MRC2: variants seen among roughly 807,000 people sequenced by gnomAD.
The protein encoded by MRC2 is C-type mannose receptor 2.
Under a neutral mutation model 206.2 loss-of-function variants are expected in MRC2, and 84 were observed. The observed-to-expected ratio is 0.41, with a 90% confidence interval of 0.34 to 0.49. The LOEUF (loss-of-function observed/expected upper bound fraction) is 0.49. MRC2 is among the 20% of genes least tolerant of loss of function. The pLI is 0.31. For synonymous variants in MRC2, 798 were observed against 800.0 expected (o/e 1.00, Z 0.04); for missense variants, 1,676 against 2,001.5 (o/e 0.84, Z 3.10).
chr17:62,630,461 G>A (rs1189051588), intron 1 of MRC2, among the ~76,000 whole-genome samples: 2 of 152,180 alleles, frequency 1.3e-5, no homozygotes, highest in Non-Finnish European at 2.9e-5. Context: ...CCAAAGGGTG[G>A]CCAAGGCTGT....
chr17:62,681,081 A>G lies in MRC2; in HGVS notation c.2654A>G (p.Gln885Arg), dbSNP rs746784631. The G allele has an allele frequency of 6.2e-7, 1 of 1,613,572 alleles. No individual in the cohort carries two copies. The highest frequency in any genetic ancestry group is 1.1e-5 in the South Asian group (1 of 91,088). ...CTCCAGTTCTCCCGGGCCCAGGAGC[A>G]GCACTGGTGGATCGGCCTGCACACC... ...NLQKFSRAQE[Q>R]HWWIGLHTSE... is the part of the protein sequence containing the mutation. Residue 885 changes from glutamine to arginine, a missense_variant, in exon 18 of 30, where the codon CAG becomes CGG. Transcript: ENST00000303375.
In MRC2 at chr17:62,675,843, C is replaced by T. The variant is rs145126318; in HGVS notation, c.1623C>T (p.Thr541=). 851 of 1,614,048 alleles carry T rather than the reference C, an allele frequency of 5.3e-4. 3 individuals are homozygous for T. Among genetic ancestry groups the T allele is most frequent in the Non-Finnish European group, 2.3e-4 (276 of 1,180,030 alleles). The stretch of plus-strand genomic sequence containing the variant: ...ACTGGCTGGGAGAAGACCAAGTGAC[C>T]TACAGTGAGGCCCGGCGCCTGTGCA... ...SCYWLGEDQV[T]YSEARRLCTD... Residue 541 remains threonine, a synonymous_variant, in exon 10 of 30, where the codon ACC becomes ACT. Transcript: ENST00000303375. The surrounding 1 kb of genome is among the most constrained non-coding windows in gnomAD (Gnocchi z 4.1).
chr17:62,637,529 G>A (rs1222457264), intron 1 of MRC2, among the ~76,000 whole-genome samples: 2 of 123,154 alleles, frequency 1.6e-5, no homozygotes, highest in Non-Finnish European at 3.4e-5. Flanking sequence ...GAGGAAGACT[G>A]TGTCTCAAAA....
intron 1 of MRC2, among the ~76,000 whole-genome samples, chr17:62,653,413 C>T (rs992733085): frequency 9.9e-5 from 15 of 152,106 alleles, no homozygotes; most frequent in Admixed American, 7.2e-4. Flanking sequence ...TCAGCAAAAC[C>T]GCGGGAAAGG....
Position 62,688,960 on chromosome 17 carries a change from G to A in MRC2, c.3334G>A (p.Asp1112Asn), listed in dbSNP as rs1286317997. ...TGGCTTCATCTGCCAGAAGGGCACG[G>A]GTATGTGTCACCAGTCACCTGGGAA... The part of the protein sequence containing the change: ...THGFICQKGT[D>N]PSLSPSPAAL... The change falls in exon 23 of 30, where the codon GAC (aspartate) becomes AAC (asparagine). Residue 1112 changes from aspartate to asparagine, a missense_variant and splice_region_variant. Asp to Asn is a conservative substitution (Grantham distance 23, BLOSUM62 1). Around this residue, in one of 3 missense-constraint regions of MRC2, gnomAD observed 1,354 missense variants for 1,636.6 expected, o/e 0.83. Coordinates refer to ENST00000303375, the MANE Select transcript of MRC2 (RefSeq NM_006039.5). The A allele has an allele frequency of 1.2e-6, 2 of 1,612,522 alleles. No individual in the cohort carries two copies. The highest frequency in any genetic ancestry group is 1.3e-5 in the African/African-American group (1 of 74,930).
chr17:62,645,322 G>C (rs1285466034), intron 1 of MRC2, among the ~76,000 whole-genome samples: 1 of 151,682 alleles, frequency 6.6e-6, no homozygotes, highest in East Asian at 1.9e-4. Flanking sequence ...GAGAGGCTAA[G>C]AGACAGGATC....
intron 6 of MRC2, among the ~76,000 whole-genome samples, chr17:62,669,085 AACACACACACACACACACACACAC>A (rs72222842): frequency 7.0e-6 from 1 of 143,060 alleles, no homozygotes; most frequent in Admixed American, 7.1e-5. Flanking sequence ...AAAATATGGC[AACACACACACACACACACACACAC>A]ACACACACAC....
chr17:62,649,295 C>T (rs1461710484), intron 1 of MRC2, among the ~76,000 whole-genome samples: 2 of 152,202 alleles, frequency 1.3e-5, no homozygotes, highest in African/African-American at 4.8e-5. Flanking sequence ...ATTCACTTGA[C>T]TTTAAAGAGT....
In MRC2 at chr17:62,690,939, T is replaced by G. The variant is rs778663776; in HGVS notation, c.4013-10T>G. On this transcript the variant is annotated splice_polypyrimidine_tract_variant and intron_variant, in intron 27 of 29. Transcript: ENST00000303375. ...TTGTCCCTGCTCCCTCAGTGCCTTC[T>G]TTCCTGCAGGAGGCACTCTGGTCTG... The G allele has an allele frequency of 1.9e-5, 30 of 1,588,134 alleles. No homozygotes were observed. The highest frequency in any genetic ancestry group is 1.3e-5 in the African/African-American group (1 of 74,116).
chr17:62,636,581 A>G lies in MRC2; in HGVS notation c.118+8661A>G, dbSNP rs1468437828. Among the ~76,000 whole-genome samples the G allele has an allele frequency of 2.9e-5, 4 of 138,876 alleles. No individual in the cohort carries two copies. The South Asian group carries it at 6.7e-4, about 23-fold the overall frequency. The allele number at this position is 138,876 out of a possible 152,430, so 91.1% of individuals were successfully genotyped here. ...CCTCCCAGGTTCACGCCATTCTCCC[A>G]CCTCAGCCTCCCGAGTAGCTGGGAT... On this transcript the variant is annotated intron_variant, in intron 1 of 29. Coordinates refer to ENST00000303375, the MANE Select transcript of MRC2 (RefSeq NM_006039.5).
chr17:62,690,052 G>C lies in MRC2; in HGVS notation c.3732G>C (p.Gly1244=), dbSNP rs761693807. ...CDTKLQGAVC[G]VSSGPPPPRR... ...CCAAGCTGCAGGGGGCTGTGTGTGGGGTTAGCAGTGGTGAGTGCCCACCTG... is the reference window on the plus strand; with the variant it reads ...CCAAGCTGCAGGGGGCTGTGTGTGGCGTTAGCAGTGGTGAGTGCCCACCTG... The change falls in exon 25 of 30, where the codon GGG becomes GGC. Residue 1244 remains glycine, a synonymous_variant. Transcript: ENST00000303375. The C allele has an allele frequency of 6.3e-7, 1 of 1,599,792 alleles. No individual in the cohort carries two copies. Among genetic ancestry groups the C allele is most frequent in the Non-Finnish European group, 8.5e-7 (1 of 1,172,764 alleles).
chr17:62,628,257 C>T (rs2147418451), intron 1 of MRC2, among the ~76,000 whole-genome samples: 1 of 152,200 alleles, frequency 6.6e-6, no homozygotes, highest in Admixed American at 6.5e-5. Context: ...CCGGCGCCGG[C>T]CCGTCCTCGG....
intron 20 of MRC2, among the ~76,000 whole-genome samples, chr17:62,684,960 G>C (rs891299740): frequency 1.3e-5 from 2 of 152,104 alleles, no homozygotes; most frequent in African/African-American, 4.8e-5. Flanking sequence ...GGGCAACATC[G>C]CAAAACCCTG....
intron 12 of MRC2, 51 bp downstream of exon 12, chr17:62,677,537 G>T: frequency 6.7e-7 from 1 of 1,485,242 alleles, no homozygotes; most frequent in Non-Finnish European, 9.1e-7. Context: ...CAGGAGCAAA[G>T]AGACAGTTTG....
rs1317836436 is a variant in MRC2, at chr17:62,692,781, C to A, written c.*330C>A. 6 of 314,582 alleles carry A rather than the reference C, an allele frequency of 1.9e-5. No individual in the cohort carries two copies. In the East Asian group the frequency reaches 4.1e-4, roughly 21 times the overall value. 19.5% of individuals were successfully genotyped at this position (314,582 alleles called of 1,614,324 possible). A position where few individuals can be genotyped will look rare whatever the true frequency, so the allele number is the denominator to read the frequency against. On this transcript the variant is annotated 3_prime_UTR_variant, in exon 30 of 30. Coordinates refer to ENST00000303375, the MANE Select transcript of MRC2 (RefSeq NM_006039.5). The surrounding 1 kb of genome is among the most constrained non-coding windows in gnomAD (Gnocchi z 4.2). ...TTCTCCCCAGAGCCCCCGGCCCAGG[C>A]CTGTTGATCCGCGCCCCAGGACCCC... is the stretch of plus-strand genomic sequence containing the variant.
intron 1 of MRC2, among the ~76,000 whole-genome samples, chr17:62,661,440 A>G (rs1282074833): frequency 6.6e-6 from 1 of 150,988 alleles, no homozygotes; most frequent in Non-Finnish European, 1.5e-5. Flanking sequence ...TACTTTCCCT[A>G]AGTTTCATGT....
rs1454597353 is a variant in MRC2, at chr17:62,652,866, C to T, written c.119-11682C>T. ...GCCGCAGATTGAGGGCGAACGGTGGCTTGGGGAGGGGCGCTCCTTGGAGTT... is the reference window on the plus strand; with the variant it reads ...GCCGCAGATTGAGGGCGAACGGTGGTTTGGGGAGGGGCGCTCCTTGGAGTT... On this transcript the variant is annotated intron_variant, in intron 1 of 29. Transcript: ENST00000303375. This position sits in a 1 kb window ranked among gnomAD's most constrained non-coding sequence, Gnocchi z 4.6. Among the ~76,000 whole-genome samples the T allele has an allele frequency of 6.0e-5, 7 of 117,528 alleles. No homozygotes were observed. Among genetic ancestry groups the T allele is most frequent in the Admixed American group, 1.8e-4 (2 of 11,180 alleles). The allele number at this position is 117,528 out of a possible 152,430, so 77.1% of individuals were successfully genotyped here. A position where few individuals can be genotyped will look rare whatever the true frequency, so the allele number is the denominator to read the frequency against.
At chr17:62,669,349 G>A (rs2088797662) in intron 6 of MRC2, among the ~76,000 whole-genome samples, 1 of 151,822 alleles carries the variant, frequency 6.6e-6, no homozygotes, top group Admixed American at 6.6e-5. Context: ...TGAGTAGCTG[G>A]GATTACAGGC....
intron 12 of MRC2, 71 bp downstream of exon 12, chr17:62,677,557 C>T: frequency 7.5e-7 from 1 of 1,336,888 alleles, no homozygotes; most frequent in Non-Finnish European, 1.0e-6. Context: ...GGATGGAGGT[C>T]CCAGTGGGAC....
Sources: gnomAD v4.1 joint callset for allele counts (sites outside exome capture counted in the v4.1 genomes callset) on GRCh38, gnomAD v4.1.1 for gene constraint, gnomAD v4.1.1 regional missense constraint, Gnocchi (gnomAD v3.1) non-coding constraint, MANE v1.5 for transcripts, NCBI Gene and HGNC (gene_info 2026-07-23, HGNC 2026-07-21) for gene names.